Variants in TTC7B observed in about 807,000 individuals in gnomAD.
The protein encoded by TTC7B is tetratricopeptide repeat domain 7B, also known as tetratricopeptide repeat protein 7B.
Under a neutral mutation model 106.8 loss-of-function variants are expected in TTC7B, and 28 were observed. That is an observed-to-expected ratio of 0.26 (90% CI 0.19 to 0.36). TTC7B has a LOEUF of 0.36. TTC7B is among the 10% of genes least tolerant of loss of function. TTC7B has a pLI of 1.00. For synonymous variants in TTC7B, 405 were observed against 430.6 expected, an observed-to-expected ratio of 0.94 and a Z score of 0.74; for missense variants, 862 against 1,076.4, an observed-to-expected ratio of 0.80 and a Z score of 2.79.
chr14:90,750,793 T>G (rs184023493), intron 3 of TTC7B, among the ~76,000 whole-genome samples: 1 of 152,258 alleles, frequency 6.6e-6, no homozygotes, highest in Non-Finnish European at 1.5e-5. Flanking sequence ...TTATTCCATG[T>G]ACACATTTAT....
At chr14:90,620,065 C>T (rs1183938363) in intron 15 of TTC7B, among the ~76,000 whole-genome samples, 1 of 152,032 alleles carries the variant, frequency 6.6e-6, no homozygotes, top group Non-Finnish European at 1.5e-5. Flanking sequence ...CACCAAGCGC[C>T]CCCAGCGACC....
intron 16 of TTC7B, among the ~76,000 whole-genome samples, chr14:90,616,360 AAAAAATT>A (rs1893073398): frequency 6.6e-6 from 1 of 152,256 alleles, no homozygotes; most frequent in Non-Finnish European, 1.5e-5. Context: ...TAGAATTTTA[AAAAAATT>A]AAAATGATCT....
intron 7 of TTC7B, among the ~76,000 whole-genome samples, chr14:90,688,690 CTCAGCTA>C: frequency 6.8e-6 from 1 of 146,956 alleles, no homozygotes; most frequent in Non-Finnish European, 1.5e-5. Flanking sequence ...TGCCTGTAAT[CTCAGCTA>C]CTTGGGAGGC....
At position 90,606,467 on chromosome 14, in the gene TTC7B, T is replaced by A. The variant is rs368720668; in HGVS notation, c.1966+4275A>T. ...GGTATTTGTTGATATCTATCAATTA[T>A]TAAAGATAAATCCCCTTACCCCACA... On this transcript the variant is annotated intron_variant, in intron 17 of 19. Transcript: ENST00000328459. Among the ~76,000 whole-genome samples, 6 of 152,322 alleles carry A rather than the reference T, an allele frequency of 3.9e-5. No individual in the cohort carries two copies. The East Asian group carries it at 1.2e-3, about 29-fold the overall frequency.
chr14:90,759,322 TG>T lies in TTC7B; in HGVS notation c.446-14401del. Among the ~76,000 whole-genome samples, 1 of 152,130 alleles carries T rather than the reference TG, an allele frequency of 6.6e-6. No individual in the cohort carries two copies. Among genetic ancestry groups the T allele is most frequent in the East Asian group, 1.9e-4 (1 of 5,170 alleles). On this transcript the variant is annotated intron_variant, in intron 3 of 19. Coordinates refer to ENST00000328459, the MANE Select transcript of TTC7B (RefSeq NM_001010854.2). This position sits in a 1 kb window ranked among gnomAD's most constrained non-coding sequence, Gnocchi z 4.1. ...AAGAAAATGAACACCAGACATGGTT[TG>T]GAAACGATGGAAGCCAAGGGATGGG...
At chr14:90,614,481 G>T (rs1892990213) in intron 16 of TTC7B, among the ~76,000 whole-genome samples, 3 of 152,330 alleles carry the variant, frequency 2.0e-5, no homozygotes, top group Non-Finnish European at 4.4e-5. Flanking sequence ...TCACCTCATG[G>T]GTACATGATG....
rs573041364 is a variant in TTC7B at position 90,524,671 on chromosome 14, C to G, written c.*16697G>C. ...ACAGGTCATGCCCCTGGAGTGGCCT[C>G]GCACCGTCCATCCCCGGAGGGGCAG... On this transcript the variant is annotated 3_prime_UTR_variant, in exon 20 of 20. Transcript: ENST00000328459. 6.6e-6 allele frequency: 1 copy of G among 152,310 alleles called. No individual in the cohort carries two copies. The highest frequency in any genetic ancestry group is 1.5e-5 in the Non-Finnish European group (1 of 68,082). The allele number at this position is 152,310 out of a possible 1,614,324, so 9.4% of individuals were successfully genotyped here.
At chr14:90,592,540 C>T (rs1186399875) in intron 18 of TTC7B, among the ~76,000 whole-genome samples, 1 of 152,056 alleles carries the variant, frequency 6.6e-6, no homozygotes, top group Admixed American at 6.5e-5. Context: ...GAAACCCCGT[C>T]TCTACTAAAA....
At chr14:90,666,683 C>A (rs767370066) in intron 9 of TTC7B, among the ~76,000 whole-genome samples, 1 of 152,146 alleles carries the variant, frequency 6.6e-6, no homozygotes, top group African/African-American at 2.4e-5. Flanking sequence ...GTATCCATGC[C>A]CCACCTCTTC....
At chr14:90,679,092 G>A (rs1886947656) in intron 8 of TTC7B, among the ~76,000 whole-genome samples, 2 of 152,160 alleles carry the variant, frequency 1.3e-5, no homozygotes, top group African/African-American at 4.8e-5. Flanking sequence ...GCTCACCTAT[G>A]TGCTTCCCTG....
In TTC7B at chr14:90,524,855, G is replaced by A. The variant is rs923043584; in HGVS notation, c.*16513C>T. Reference sequence around the variant, plus strand: ...TTGCAGGTGGGGAGACTGAGGCCAGGCTGTACTCATCTCCATTACGAGGCC... The same window carrying A: ...TTGCAGGTGGGGAGACTGAGGCCAGACTGTACTCATCTCCATTACGAGGCC... On this transcript the variant is annotated 3_prime_UTR_variant, in exon 20 of 20. Transcript: ENST00000328459. The A allele has an allele frequency of 2.0e-5, 3 of 151,264 alleles. No homozygotes were observed. The highest frequency in any genetic ancestry group is 7.3e-5 in the African/African-American group (3 of 41,064). 9.4% of individuals were successfully genotyped at this position (151,264 alleles called of 1,614,324 possible).
chr14:90,743,492 T>A lies in TTC7B; in HGVS notation c.576+1300A>T, dbSNP rs571957546. The stretch of plus-strand genomic sequence containing the variant: ...CAGAAAATTGCTGGAAAACAAGACC[T>A]CCAATCATTTTCAAAGTCTCATAGG... On this transcript the variant is annotated intron_variant, in intron 4 of 19. Coordinates refer to ENST00000328459, the MANE Select transcript of TTC7B (RefSeq NM_001010854.2). Among the ~76,000 whole-genome samples, 4 of 152,232 alleles carry A rather than the reference T, an allele frequency of 2.6e-5. No homozygotes were observed. In the East Asian group the frequency reaches 5.8e-4, roughly 22 times the overall value.
At position 90,575,356 on chromosome 14, in the gene TTC7B, C is replaced by G. The variant is rs1189422809; in HGVS notation, c.2310+2750G>C. Among the ~76,000 whole-genome samples the G allele has an allele frequency of 1.3e-5, 2 of 152,244 alleles. No homozygotes were observed. The highest frequency in any genetic ancestry group is 6.5e-5 in the Admixed American group (1 of 15,288). ...GGCCCCACAGCGAATGGGGCCAGAG[C>G]TGTGATTCTAACCCAGGCCAGCCTG... On this transcript the variant is annotated intron_variant, in intron 19 of 19. Transcript: ENST00000328459. The surrounding 1 kb of genome is among the most constrained non-coding windows in gnomAD (Gnocchi z 5.2).
intron 5 of TTC7B, among the ~76,000 whole-genome samples, chr14:90,715,728 G>T (rs1888630355): frequency 6.6e-6 from 1 of 152,128 alleles, no homozygotes; most frequent in Non-Finnish European, 1.5e-5. Context: ...CCTCTCACGA[G>T]CACGTAAAGT....
chr14:90,783,735 G>A (rs899429867), intron 2 of TTC7B, among the ~76,000 whole-genome samples: 3 of 152,206 alleles, frequency 2.0e-5, no homozygotes, highest in East Asian at 3.9e-4. Context: ...TCAGCAGTTC[G>A]AGACCAGCCT....
intron 3 of TTC7B, among the ~76,000 whole-genome samples, chr14:90,753,803 C>G (rs1025546798): frequency 6.6e-6 from 1 of 152,232 alleles, no homozygotes; most frequent in Non-Finnish European, 1.5e-5. Context: ...GGTACACACA[C>G]AAACACACAC....
At chr14:90,610,612 G>C in intron 17 of TTC7B, 130 bp downstream of exon 17, 1 of 690,436 alleles carries the variant, frequency 1.4e-6, no homozygotes, top group Non-Finnish European at 2.6e-6. Flanking sequence ...CACCTCGGTT[G>C]AGTGTTTAAA....
chr14:90,675,391 G>C (rs760794349), intron 9 of TTC7B, among the ~76,000 whole-genome samples: 2 of 152,176 alleles, frequency 1.3e-5, no homozygotes, highest in African/African-American at 2.4e-5. Flanking sequence ...TGGGGAGAAG[G>C]GGGGTCCAGG....
At chr14:90,664,893 A>G (rs954769804) in intron 9 of TTC7B, among the ~76,000 whole-genome samples, 1 of 152,240 alleles carries the variant, frequency 6.6e-6, no homozygotes, top group African/African-American at 2.4e-5. Flanking sequence ...TATGAAACAA[A>G]GCAAGAGTAG....
Sources: gnomAD v4.1 joint callset for allele counts (sites outside exome capture counted in the v4.1 genomes callset) on GRCh38, gnomAD v4.1.1 for gene constraint, Gnocchi (gnomAD v3.1) non-coding constraint, MANE v1.5 for transcripts, NCBI Gene and HGNC (gene_info 2026-07-23, HGNC 2026-07-21) for gene names.